Variants in HEATR5B observed in about 807,000 individuals in gnomAD.
The protein encoded by HEATR5B is HEAT repeat containing 5B.
Under a neutral mutation model 224.1 loss-of-function variants are expected in HEATR5B, and 156 were observed. The ratio of observed to expected loss-of-function variants is 0.70; its 90% CI spans 0.61 to 0.80. The LOEUF (loss-of-function observed/expected upper bound fraction) is 0.80. HEATR5B is among the 30% of genes least tolerant of loss of function. HEATR5B has a pLI of 0.00. For missense variants in HEATR5B, 2,323 were observed against 2,535.5 expected, an observed-to-expected ratio of 0.92 and a Z score of 1.80; for synonymous variants, 1,027 against 893.0, an observed-to-expected ratio of 1.15 and a Z score of -2.68.
At chr2:37,052,852 C>G (rs1670645519) in intron 17 of HEATR5B, among the ~76,000 whole-genome samples, 1 of 152,188 alleles carries the variant, frequency 6.6e-6, no homozygotes. Flanking sequence ...TGGAACAGGA[C>G]AGTACAAGAT....
rs780946610 is a variant in HEATR5B at position 37,075,529 on chromosome 2, G to T, written c.553C>A (p.Leu185Ile). The change falls in exon 5 of 36, where the codon CTC becomes ATC. Residue 185 changes from leucine to isoleucine, a missense_variant. Leu to Ile is a conservative substitution (Grantham distance 5). Transcript: ENST00000233099. ...HRDIYKNARSLLTDRSMAVRC... is the reference protein window; with the variant it reads ...HRDIYKNARSILTDRSMAVRC... Reference sequence around the variant, plus strand: ...ACAGCCATTGACCTATCAGTCAAGAGAGACCTGGCATTCTTGTAAATATCA... The same window carrying T: ...ACAGCCATTGACCTATCAGTCAAGATAGACCTGGCATTCTTGTAAATATCA... The T allele has an allele frequency of 6.2e-7, 1 of 1,614,074 alleles. No individual in the cohort carries two copies. The highest frequency in any genetic ancestry group is 1.1e-5 in the South Asian group (1 of 91,078).
chr2:37,036,876 C>T lies in HEATR5B; in HGVS notation c.3216+979G>A, dbSNP rs564088227. Among the ~76,000 whole-genome samples, 11 of 152,054 alleles carry T rather than the reference C, an allele frequency of 7.2e-5. 1 individual carries two copies. The East Asian group carries it at 9.7e-4, about 13-fold the overall frequency. On this transcript the variant is annotated intron_variant, in intron 21 of 35. Coordinates refer to ENST00000233099, the MANE Select transcript of HEATR5B (RefSeq NM_019024.3). Reference sequence around the variant, plus strand: ...AGGATTATGATAGGCCTCCTGCTAACGCTCTCTTCCAGGCTTTTATAGCAC... The same window carrying T: ...AGGATTATGATAGGCCTCCTGCTAATGCTCTCTTCCAGGCTTTTATAGCAC...
rs1186191692 is a variant in HEATR5B, at chr2:37,013,843, C to T, written c.4282G>A (p.Glu1428Lys). ...EKLAVLKAWA[E>K]VYVVAMNIKK... The stretch of plus-strand genomic sequence containing the variant: ...ATAGATTGTGGTTTAGTCGTTACCT[C>T]TGCCCAAGCTTTGAGAACAGCCAGT... The change falls in exon 27 of 36, where the codon GAG (glutamate) becomes AAG (lysine). Residue 1428 changes from glutamate (E) to lysine (K), a missense_variant and splice_region_variant. Glu to Lys is a moderately conservative substitution (Grantham distance 56, BLOSUM62 1). This residue lies in a region of HEATR5B where 844 missense variants were observed against 812.9 expected (regional missense o/e 1.04). Transcript: ENST00000233099. 1.9e-6 allele frequency: 3 copies of T among 1,576,714 alleles called. No homozygotes were observed. In the East Asian group the frequency reaches 6.9e-5, roughly 36 times the overall value.
chr2:37,036,573 G>C (rs187924170), intron 21 of HEATR5B, among the ~76,000 whole-genome samples: 1 of 151,314 alleles, frequency 6.6e-6, no homozygotes, highest in Non-Finnish European at 1.5e-5. Context: ...GTGCAATGGC[G>C]CAATCTTGGC....
At chr2:37,034,017 G>A (rs1282133730) in intron 21 of HEATR5B, among the ~76,000 whole-genome samples, 1 of 152,074 alleles carries the variant, frequency 6.6e-6, no homozygotes, top group Non-Finnish European at 1.5e-5. Flanking sequence ...AAGAACACAT[G>A]TATGGAATAT....
chr2:36,991,841 A>C (rs1207541942), intron 33 of HEATR5B, among the ~76,000 whole-genome samples: 1 of 152,206 alleles, frequency 6.6e-6, no homozygotes, highest in Non-Finnish European at 1.5e-5. Flanking sequence ...TTATCTCATA[A>C]TAAGGGTACC....
chr2:37,058,489 TAA>T lies in HEATR5B; in HGVS notation c.2019_2020del (p.Tyr674Ter). The T allele has an allele frequency of 6.2e-7, 1 of 1,612,918 alleles. No homozygotes were observed. The highest frequency in any genetic ancestry group is 8.5e-7 in the Non-Finnish European group (1 of 1,179,024). On this transcript the variant is annotated frameshift_variant, in exon 14 of 36. Transcript: ENST00000233099. LOFTEE classifies it high-confidence loss of function. ...TGGAGGTAACAAAGCCAAGATATCA[TAA>T]AGTCTTAAACGGACCATTGCAGCAC...
rs1423885840 is a variant in HEATR5B at position 37,032,765 on chromosome 2, TA to T, written c.3224del (p.Leu1075TyrfsTer32). The stretch of plus-strand genomic sequence containing the variant: ...GTCGAAGTAACAAATGGGAACTACA[TA>T]AGTGAACCTGTAAATCATAACAATG... ...SSLVPSLCVH[L>X]CSSHLLLRRA... is the part of the protein sequence containing the mutation. On this transcript the variant is annotated frameshift_variant, in exon 22 of 36. Coordinates refer to ENST00000233099, the MANE Select transcript of HEATR5B (RefSeq NM_019024.3). LOFTEE classifies it high-confidence loss of function. The T allele has an allele frequency of 6.2e-7, 1 of 1,611,942 alleles. No individual in the cohort carries two copies. Among genetic ancestry groups the T allele is most frequent in the East Asian group, 2.2e-5 (1 of 44,884 alleles).
chr2:37,076,724 T>C (rs887772989), intron 4 of HEATR5B, among the ~76,000 whole-genome samples, 187 bp downstream of exon 4: 1 of 151,606 alleles, frequency 6.6e-6, no homozygotes, highest in Non-Finnish European at 1.5e-5. Flanking sequence ...CTATTCCTTG[T>C]CAAAGAAAAG....
chr2:37,071,161 CATCT>C (rs1671882698), intron 6 of HEATR5B, among the ~76,000 whole-genome samples: 1 of 152,004 alleles, frequency 6.6e-6, no homozygotes, highest in South Asian at 2.1e-4. Context: ...TCATCATCAT[CATCT>C]ACTGAAATAA....
At chr2:36,988,419 A>C (rs1332201021) in intron 35 of HEATR5B, among the ~76,000 whole-genome samples, 1 of 151,864 alleles carries the variant, frequency 6.6e-6, no homozygotes, top group Non-Finnish European at 1.5e-5. Context: ...TGCGCCACAC[A>C]CCCAGCTAAT....
chr2:37,048,618 CTA>C (rs1297978961), intron 18 of HEATR5B, among the ~76,000 whole-genome samples: 1 of 152,112 alleles, frequency 6.6e-6, no homozygotes, highest in Non-Finnish European at 1.5e-5. Flanking sequence ...AAGATTGTTA[CTA>C]TCTTTTAATA....
At chr2:37,044,132 ACACT>A in intron 18 of HEATR5B, among the ~76,000 whole-genome samples, 1 of 152,330 alleles carries the variant, frequency 6.6e-6, no homozygotes. Context: ...TATGTATTAC[ACACT>A]CACAGCGTGT....
At chr2:36,989,936 C>T (rs1438771914) in intron 34 of HEATR5B, among the ~76,000 whole-genome samples, 1 of 116,974 alleles carries the variant, frequency 8.5e-6, no homozygotes, top group African/African-American at 3.4e-5. Flanking sequence ...GACGGAGTCT[C>T]ACACTGTTGC....
rs192028664 is a variant in HEATR5B, at chr2:37,069,418, T to C, written c.928-488A>G. 4.7e-3 allele frequency among the ~76,000 whole-genome samples: 720 copies of C among 152,332 alleles called. 2 individuals are homozygous for C. The highest frequency in any genetic ancestry group is 0.016 in the African/African-American group (677 of 41,564). ...GATCACCATTTCATCTTATTAGGTG[T>C]TAATTATTATTAGATCATTAACCAT... On this transcript the variant is annotated intron_variant, in intron 7 of 35. Coordinates refer to ENST00000233099, the MANE Select transcript of HEATR5B (RefSeq NM_019024.3).
At chr2:36,984,215 A>AATATATATAT (rs60636196) in intron 35 of HEATR5B, among the ~76,000 whole-genome samples, 49 of 77,512 alleles carry the variant, frequency 6.3e-4, no homozygotes, top group East Asian at 5.0e-3. Context: ...AAAAAAAAAA[A>AATATATATAT]ATATATATAT....
In HEATR5B at chr2:37,082,052, CTTTTTTTTTTTT is replaced by C. The variant is rs61036576; in HGVS notation, c.126+1225_126+1236del. Among the ~76,000 whole-genome samples the C allele has an allele frequency of 7.7e-3, 185 of 23,962 alleles. 1 individual carries two copies. The highest frequency in any genetic ancestry group is 0.013 in the Admixed American group (14 of 1,060). The allele number at this position is 23,962 out of a possible 152,430, so 15.7% of individuals were successfully genotyped here. A position where few individuals can be genotyped will look rare whatever the true frequency, so the allele number is the denominator to read the frequency against. ...ATCAGACATTTGAGGGAAGTATCTA[CTTTTTTTTTTTT>C]TTTTTTTTTTTTTTTTTTTTTTCAG... On this transcript the variant is annotated intron_variant, in intron 2 of 35. Coordinates refer to ENST00000233099, the MANE Select transcript of HEATR5B (RefSeq NM_019024.3).
intron 17 of HEATR5B, among the ~76,000 whole-genome samples, chr2:37,050,941 T>C (rs1436805287): frequency 2.6e-5 from 4 of 151,842 alleles, no homozygotes; most frequent in Non-Finnish European, 5.9e-5. Flanking sequence ...CTCAGCAGAC[T>C]TAGGCAGGAG....
intron 2 of HEATR5B, among the ~76,000 whole-genome samples, chr2:37,082,518 AC>A (rs1157864912): frequency 6.6e-6 from 1 of 152,146 alleles, no homozygotes; most frequent in Non-Finnish European, 1.5e-5. Flanking sequence ...CCATAACGAA[AC>A]CCGAATGAGG....
Sources: allele counts gnomAD v4.1 joint callset (sites outside exome capture counted in the v4.1 genomes callset), GRCh38; gene constraint gnomAD v4.1.1; regional missense constraint gnomAD v4.1.1; transcripts MANE v1.5; gene names NCBI Gene and HGNC (gene_info 2026-07-23, HGNC 2026-07-21).